MDGA2: variants seen among roughly 807,000 people sequenced by gnomAD.
The protein encoded by MDGA2 is MAM domain-containing glycosylphosphatidylinositol anchor protein 2.
Under a neutral mutation model 117.8 loss-of-function variants are expected in MDGA2, and 40 were observed. The observed-to-expected ratio is 0.34, with a 90% confidence interval of 0.26 to 0.44. The LOEUF (loss-of-function observed/expected upper bound fraction) is 0.44, where lower values mean the gene tolerates loss of function less well. MDGA2 is among the 20% of genes least tolerant of loss of function. MDGA2 has a pLI of 1.00. For synonymous variants in MDGA2, 452 were observed against 439.0 expected (o/e 1.03, Z -0.37); for missense variants, 1,123 against 1,250.6 (o/e 0.90, Z 1.54).
chr14:47,384,724 G>A (rs913663212), intron 1 of MDGA2, among the ~76,000 whole-genome samples: 1 of 152,082 alleles, frequency 6.6e-6, no homozygotes, highest in Admixed American at 6.5e-5. Context: ...CATCCCACCT[G>A]ATATACCCAC....
chr14:47,533,471 C>T (rs773004469), intron 1 of MDGA2, among the ~76,000 whole-genome samples: 14 of 152,146 alleles, frequency 9.2e-5, no homozygotes, highest in Admixed American at 2.0e-4. Flanking sequence ...TTGGATCAAA[C>T]ATTTTACATA....
intron 8 of MDGA2, among the ~76,000 whole-genome samples, chr14:46,991,881 C>A (rs1594503281): frequency 1.3e-5 from 2 of 152,196 alleles, no homozygotes; most frequent in South Asian, 2.1e-4. Flanking sequence ...TGTAATAACA[C>A]AGAATTCAGG....
chr14:47,113,946 A>G (rs1881183992), intron 5 of MDGA2, among the ~76,000 whole-genome samples: 2 of 152,156 alleles, frequency 1.3e-5, no homozygotes, highest in Admixed American at 1.3e-4. Flanking sequence ...GTATTCAGAT[A>G]GAAAGAGAGG....
At chr14:47,126,769 T>A (rs1881924498) in intron 5 of MDGA2, among the ~76,000 whole-genome samples, 1 of 152,174 alleles carries the variant, frequency 6.6e-6, no homozygotes, top group African/African-American at 2.4e-5. Flanking sequence ...CCAGGCCATC[T>A]GCCAGGAAGT....
chr14:46,859,410 T>G (rs1035978347), intron 14 of MDGA2, among the ~76,000 whole-genome samples: 1 of 152,210 alleles, frequency 6.6e-6, no homozygotes, highest in African/African-American at 2.4e-5. Context: ...ATACAGACTT[T>G]TGGATTCAAC....
At chr14:47,519,362 A>T (rs1226779730) in intron 1 of MDGA2, among the ~76,000 whole-genome samples, 1 of 152,166 alleles carries the variant, frequency 6.6e-6, no homozygotes. Context: ...TCTTCATAGG[A>T]TGGAAGGTCC....
intron 3 of MDGA2, among the ~76,000 whole-genome samples, chr14:47,194,441 T>G (rs570637940): frequency 6.6e-6 from 1 of 151,930 alleles, no homozygotes; most frequent in African/African-American, 2.4e-5. Context: ...ATATATATAT[T>G]TTTTTACAGT....
intron 1 of MDGA2, among the ~76,000 whole-genome samples, chr14:47,307,316 C>T (rs1889485048): frequency 6.6e-6 from 1 of 152,124 alleles, no homozygotes; most frequent in Non-Finnish European, 1.5e-5. Flanking sequence ...CCATATTACT[C>T]CTGTTGTTGA....
Position 47,446,648 on chromosome 14 carries a change from C to T in MDGA2, c.281-145098G>A, listed in dbSNP as rs78869847. Among the ~76,000 whole-genome samples, 475 of 151,862 alleles carry T rather than the reference C, an allele frequency of 3.1e-3. 1 individual carries two copies. The highest frequency in any genetic ancestry group is 0.011 in the African/African-American group (451 of 41,412). Reference sequence around the variant, plus strand: ...ACTTGCAAGACTGAAGTTTACATAACGTTCAAAAAGATAGTTCTCCCACTT... The same window carrying T: ...ACTTGCAAGACTGAAGTTTACATAATGTTCAAAAAGATAGTTCTCCCACTT... On this transcript the variant is annotated intron_variant, in intron 1 of 16. Transcript: ENST00000399232.
chr14:47,383,359 A>C (rs1375757032), intron 1 of MDGA2, among the ~76,000 whole-genome samples: 2 of 152,134 alleles, frequency 1.3e-5, no homozygotes, highest in Non-Finnish European at 2.9e-5. Context: ...AAAAAAAAGA[A>C]AAGAAAAATA....
chr14:47,200,725 G>A, intron 3 of MDGA2: 1 of 898,156 alleles, frequency 1.1e-6, no homozygotes, highest in Non-Finnish European at 1.8e-6. Context: ...CCTGCAGGGT[G>A]GCTGTCACTG....
intron 3 of MDGA2, among the ~76,000 whole-genome samples, chr14:47,167,743 T>G (rs1304337167): frequency 6.6e-6 from 1 of 152,168 alleles, no homozygotes; most frequent in East Asian, 1.9e-4. Context: ...ATATTTCAAT[T>G]TCTTATTTGA....
intron 1 of MDGA2, among the ~76,000 whole-genome samples, chr14:47,508,404 C>G (rs978897395): frequency 1.5e-5 from 2 of 132,472 alleles, no homozygotes; most frequent in African/African-American, 5.7e-5. Flanking sequence ...TATTTGCTAC[C>G]AGTAGTTTTT....
At chr14:47,199,148 T>C (rs1027636210) in intron 3 of MDGA2, among the ~76,000 whole-genome samples, 8 of 151,940 alleles carry the variant, frequency 5.3e-5, no homozygotes, top group African/African-American at 1.7e-4. Context: ...CCCACAATTG[T>C]GGGAGCCAAT....
intron 3 of MDGA2, among the ~76,000 whole-genome samples, chr14:47,167,736 T>C (rs984635809): frequency 2.6e-5 from 4 of 152,146 alleles, no homozygotes; most frequent in African/African-American, 9.7e-5. Context: ...TAGAAAAATA[T>C]TTCAATTTCT....
intron 3 of MDGA2, among the ~76,000 whole-genome samples, chr14:47,169,046 T>A (rs963571099): frequency 7.2e-5 from 11 of 152,028 alleles, no homozygotes; most frequent in Admixed American, 2.0e-4. Flanking sequence ...TTAATTAATT[T>A]ATTTATTTAG....
At chr14:47,187,494 A>G (rs937035549) in intron 3 of MDGA2, among the ~76,000 whole-genome samples, 3 of 152,064 alleles carry the variant, frequency 2.0e-5, no homozygotes, top group Non-Finnish European at 2.9e-5. Flanking sequence ...AGTATTAAGT[A>G]TTAAACATAT....
rs186712054 is a variant in MDGA2, at chr14:47,364,882, T to C, written c.281-63332A>G. On this transcript the variant is annotated intron_variant, in intron 1 of 16. Transcript: ENST00000399232. Reference sequence around the variant, plus strand: ...CATAAACAACATGAGGAGAGTTGCCTAGTAGAGCCAAAATGGAATTATTAG... The same window carrying C: ...CATAAACAACATGAGGAGAGTTGCCCAGTAGAGCCAAAATGGAATTATTAG... 6.6e-5 allele frequency among the ~76,000 whole-genome samples: 10 copies of C among 152,340 alleles called. No homozygotes were observed. In the East Asian group the frequency reaches 1.7e-3, roughly 26 times the overall value.
intron 14 of MDGA2, among the ~76,000 whole-genome samples, chr14:46,862,370 G>A (rs1881544939): frequency 6.7e-6 from 1 of 150,028 alleles, no homozygotes; most frequent in Admixed American, 6.7e-5. Context: ...GGTTATTCAT[G>A]GCATTATGCA....
Sources: gnomAD v4.1 joint callset for allele counts (sites outside exome capture counted in the v4.1 genomes callset) on GRCh38, gnomAD v4.1.1 for gene constraint, MANE v1.5 for transcripts, NCBI Gene and HGNC (gene_info 2026-07-23, HGNC 2026-07-21) for gene names.